The following PLEC variants were observed in gnomAD, a reference collection of about 807,000 sequenced individuals.
The protein encoded by PLEC is plectin, also known as hemidesmosomal protein 1.
Under a neutral mutation model 392.8 loss-of-function variants are expected in PLEC, and 216 were observed. That is an observed-to-expected ratio of 0.55 (90% CI 0.49 to 0.62). The LOEUF (loss-of-function observed/expected upper bound fraction) is 0.62, where lower values mean the gene tolerates loss of function less well. Among genes scored for constraint, PLEC ranks in the 20% least tolerant of loss-of-function variants. PLEC has a pLI of 0.00. For synonymous variants in PLEC, 3,621 were observed against 2,980.6 expected, an observed-to-expected ratio of 1.21 and a Z score of -7.00; for missense variants, 6,863 against 6,563.4, an observed-to-expected ratio of 1.05 and a Z score of -1.58.
chr8:143,937,486 A>G (rs1347679277), intron 3 of PLEC, among the ~76,000 whole-genome samples: 2 of 151,996 alleles, frequency 1.3e-5, no homozygotes, highest in Middle Eastern at 3.2e-3. Flanking sequence ...GGGTGGGAGG[A>G]GACAATAGCC....
chr8:143,943,841 A>G, upstream of PLEC: 1 of 1,612,304 alleles, frequency 6.2e-7, no homozygotes, highest in Non-Finnish European at 8.5e-7. Context: ...CAGGGTGACA[A>G]CGTGACCCAC....
At chr8:143,953,263 C>G (rs1167940859), upstream of PLEC, among the ~76,000 whole-genome samples, 1 of 146,268 alleles carries the variant, frequency 6.8e-6, no homozygotes, top group Non-Finnish European at 1.5e-5. Flanking sequence ...CCCCCCCACC[C>G]CACCCCAAGA....
In PLEC at chr8:143,927,568, G is replaced by A. The variant is rs551443621; in HGVS notation, c.3598C>T (p.Arg1200Cys). 84 of 1,591,806 alleles carry A rather than the reference G, an allele frequency of 5.3e-5. No homozygotes were observed. Among genetic ancestry groups the A allele is most frequent in the South Asian group, 4.0e-4 (36 of 90,170 alleles). Residue 1200 changes from arginine (R) to cysteine (C), a missense_variant, in exon 27 of 32, where the codon CGC (arginine) becomes TGC (cysteine). Transcript: ENST00000345136. The part of the protein sequence containing the change: ...AVLAQTDVRQ[R>C]ELEQLGRQLR... ...TGGCGGCCCAGTTGCTCGAGCTCGC[G>A]CTGCCGCACGTCGGTCTGGGCCAGC...
At position 143,929,954 on chromosome 8, in the gene PLEC, G is replaced by A; in HGVS notation, c.2721C>T (p.Arg907=). The change falls in exon 22 of 32, where the codon CGC becomes CGT. Residue 907 remains arginine (R), a synonymous_variant. Transcript: ENST00000345136. ...GGCGTACCGTGGCCAGGGACCAGGA[G>A]CGGATGAGCTGCACGTCGCGGCGAA... The part of the protein sequence containing the change: ...QSLRRDVQLI[R]SWSLATFRTL... 1 of 1,610,888 alleles carries A rather than the reference G, an allele frequency of 6.2e-7. No homozygotes were observed. The highest frequency in any genetic ancestry group is 8.5e-7 in the Non-Finnish European group (1 of 1,179,532).
upstream of PLEC, chr8:143,953,838 C>T (rs2132789265): frequency 6.3e-7 from 1 of 1,597,112 alleles, no homozygotes; most frequent in Non-Finnish European, 8.5e-7. Flanking sequence ...CCGCACTGCC[C>T]AGGCCAGCGC....
At chr8:143,938,446 G>A (rs1554725593) in intron 2 of PLEC, 185 bp downstream of exon 2, 19 of 1,541,534 alleles carry the variant, frequency 1.2e-5, no homozygotes, top group Admixed American at 1.9e-5. Context: ...AGACCAGAAG[G>A]AAGAGGAGGA....
At chr8:143,970,750 C>G (rs1474584567) in intron 1 of PLEC, among the ~76,000 whole-genome samples, 1 of 152,226 alleles carries the variant, frequency 6.6e-6, no homozygotes, top group Non-Finnish European at 1.5e-5. Context: ...TGTCCCCGCC[C>G]TGCCACACCC....
At chr8:143,935,380 G>C (rs1035498233) in intron 6 of PLEC, 67 bp from the exon 7 acceptor site, 2 of 1,047,200 alleles carry the variant, frequency 1.9e-6, no homozygotes, top group Non-Finnish European at 2.9e-6. Context: ...ACAGGCGGGT[G>C]CACAGGCCGG....
In PLEC at chr8:143,923,736, G is replaced by C; in HGVS notation, c.6193C>G (p.Leu2065Val). 1.4e-5 allele frequency: 21 copies of C among 1,547,004 alleles called. No homozygotes were observed. The highest frequency in any genetic ancestry group is 1.7e-5 in the Non-Finnish European group (20 of 1,152,804). Residue 2065 changes from leucine (L) to valine (V), a missense_variant, in exon 31 of 32, where the codon CTA becomes GTA. By Grantham distance (32) the Leu-to-Val change is conservative. Coordinates refer to ENST00000345136, the MANE Select transcript of PLEC (RefSeq NM_201384.3). ...TGCTCCTGCTGCAGCGTCTGCTGTA[G>C]CTCCTGCTCCTTCTGCTGCACCGCG... ...AFAVQQKEQE[L>V]QQTLQQEQSV...
At chr8:143,938,442 G>T in intron 2 of PLEC, 189 bp downstream of exon 2, 1 of 1,541,110 alleles carries the variant, frequency 6.5e-7, no homozygotes, top group Non-Finnish European at 8.7e-7. Flanking sequence ...GGAAAGACCA[G>T]AAGGAAGAGG....
chr8:143,948,790 C>G (rs1030645190), intron 1 of PLEC, among the ~76,000 whole-genome samples: 11 of 152,220 alleles, frequency 7.2e-5, no homozygotes, highest in Admixed American at 3.3e-4. Flanking sequence ...AGGGGAGGGA[C>G]TCCCAGTCAC....
At chr8:143,946,755 TC>T (rs1253049113) in intron 1 of PLEC, among the ~76,000 whole-genome samples, 1 of 5,838 alleles carries the variant, frequency 1.7e-4, no homozygotes, top group Non-Finnish European at 3.6e-4. Context: ...AGCCCTGCCC[TC>T]CCACCCTCCC....
chr8:143,970,025 C>T (rs1833338337), intron 1 of PLEC, among the ~76,000 whole-genome samples: 1 of 152,062 alleles, frequency 6.6e-6, no homozygotes, highest in Non-Finnish European at 1.5e-5. Flanking sequence ...CCTTGCCAGC[C>T]CTGGGCCTGC....
rs543478256 is a variant in PLEC at position 143,929,140 on chromosome 8, C to T, written c.3223G>A (p.Glu1075Lys). Reference protein sequence around the residue: ...SELELTLGKLEQVRSLSAIYL... With the variant: ...SELELTLGKLKQVRSLSAIYL... ...ATGGCAGACAGGCTGCGGACCTGCT[C>T]CAGCTTGCCCAGCGTCAGCTCCAGC... is the stretch of plus-strand genomic sequence containing the variant. The change falls in exon 25 of 32, where the codon GAG becomes AAG. Residue 1075 changes from glutamate to lysine, a missense_variant. By Grantham distance (56) the Glu-to-Lys change is moderately conservative (BLOSUM62 1). Transcript: ENST00000345136. The T allele has an allele frequency of 4.4e-6, 7 of 1,588,308 alleles. No individual in the cohort carries two copies. Among genetic ancestry groups the T allele is most frequent in the East Asian group, 2.3e-5 (1 of 43,860 alleles).
In PLEC at chr8:143,922,846, C is replaced by A. The variant is rs780337094; in HGVS notation, c.7083G>T (p.Thr2361=). ...CCTCCAGCGTCCGCTGGAAGCCCTGCGTCTCCTCCGCCAGCTGCTGCGCCA... is the reference window on the plus strand; with the variant it reads ...CCTCCAGCGTCCGCTGGAAGCCCTGAGTCTCCTCCGCCAGCTGCTGCGCCA... The part of the protein sequence containing the change: ...EQMAQQLAEE[T]QGFQRTLEAE... Residue 2361 remains threonine, a synonymous_variant, in exon 31 of 32, where the codon ACG becomes ACT. Coordinates refer to ENST00000345136, the MANE Select transcript of PLEC (RefSeq NM_201384.3). The A allele has an allele frequency of 6.3e-7, 1 of 1,579,322 alleles. No individual in the cohort carries two copies.
chr8:143,924,165 GC>G lies in PLEC; in HGVS notation c.5763del (p.Gln1922ArgfsTer9). On this transcript the variant is annotated frameshift_variant, in exon 31 of 32. Coordinates refer to ENST00000345136, the MANE Select transcript of PLEC (RefSeq NM_201384.3). LOFTEE classifies it high-confidence loss of function. ...AGCGCCAGGATCTCCTCCTCCACCTGCCGCCGCTGCCTCAGCGTGTCCTCCA... is the reference window on the plus strand; with the variant it reads ...AGCGCCAGGATCTCCTCCTCCACCTGCGCCGCTGCCTCAGCGTGTCCTCCA... ...GLVEDTLRQR[R>X]QVEEEILALK... 6.3e-7 allele frequency: 1 copy of G among 1,599,008 alleles called. No individual in the cohort carries two copies. Among genetic ancestry groups the G allele is most frequent in the Non-Finnish European group, 8.5e-7 (1 of 1,179,526 alleles).
chr8:143,951,171 G>A (rs1379215579), upstream of PLEC, among the ~76,000 whole-genome samples: 1 of 151,924 alleles, frequency 6.6e-6, no homozygotes, highest in Non-Finnish European at 1.5e-5. Flanking sequence ...AGTGGGGGCG[G>A]ATATAGACCA....
At chr8:143,940,156 C>G (rs1326233680), upstream of PLEC, among the ~76,000 whole-genome samples, 1 of 152,234 alleles carries the variant, frequency 6.6e-6, no homozygotes, top group Non-Finnish European at 1.5e-5. Context: ...GGTGCCTGCC[C>G]TGGCCCTGGG....
Position 143,921,598 on chromosome 8 carries a change from G to T in PLEC, c.8223C>A (p.Asp2741Glu). ...CGGTCAGCCGCCGGTTCCGCACAGG[G>T]TCCAGCAGGAAGCCTGAGGCCGCCT... is the stretch of plus-strand genomic sequence containing the variant. The part of the protein sequence containing the change: ...EAQAASGFLL[D>E]PVRNRRLTVN... Residue 2741 changes from aspartate (D) to glutamate (E), a missense_variant, in exon 32 of 32, where the codon GAC (aspartate) becomes GAA (glutamate). Physicochemically the swap from Asp to Glu is conservative, Grantham distance 45. Transcript: ENST00000345136. The T allele has an allele frequency of 6.2e-7, 1 of 1,612,896 alleles. No homozygotes were observed. Among genetic ancestry groups the T allele is most frequent in the Non-Finnish European group, 8.5e-7 (1 of 1,179,814 alleles).
Sources: gnomAD v4.1 joint callset for allele counts (sites outside exome capture counted in the v4.1 genomes callset) on GRCh38, gnomAD v4.1.1 for gene constraint, MANE v1.5 for transcripts, NCBI Gene and HGNC (gene_info 2026-07-23, HGNC 2026-07-21) for gene names.